Variants in TMEM132D observed in about 807,000 individuals in gnomAD.
The protein encoded by TMEM132D is mature OL transmembrane protein.
In TMEM132D, 21 loss-of-function variants were observed where a neutral mutation model predicts 62.3. That is an observed-to-expected ratio of 0.34 (90% CI 0.24 to 0.49). The LOEUF is 0.49. Among genes scored for constraint, TMEM132D ranks in the 20% least tolerant of loss-of-function variants. TMEM132D has a pLI of 0.99. For synonymous variants in TMEM132D, 621 were observed against 575.6 expected, an observed-to-expected ratio of 1.08 and a Z score of -1.13; for missense variants, 1,346 against 1,402.8, an observed-to-expected ratio of 0.96 and a Z score of 0.65.
chr12:129,326,805 C>T (rs1868928420), intron 4 of TMEM132D, among the ~76,000 whole-genome samples: 1 of 152,100 alleles, frequency 6.6e-6, no homozygotes. Flanking sequence ...CATAATCTAC[C>T]AATACACATA....
intron 1 of TMEM132D, among the ~76,000 whole-genome samples, chr12:129,717,093 T>C (rs984648542): frequency 1.3e-5 from 2 of 152,132 alleles, no homozygotes; most frequent in African/African-American, 4.8e-5. Flanking sequence ...CTGACCAGAA[T>C]GTAGACTGGC....
At chr12:129,834,201 TTCC>T (rs1872929837) in intron 1 of TMEM132D, among the ~76,000 whole-genome samples, 1 of 94,796 alleles carries the variant, frequency 1.1e-5, no homozygotes, top group African/African-American at 3.0e-5. Context: ...CTTCCCTCCT[TTCC>T]ACCAGGCACT....
At chr12:129,495,833 G>C (rs1354915187) in intron 3 of TMEM132D, among the ~76,000 whole-genome samples, 1 of 152,178 alleles carries the variant, frequency 6.6e-6, no homozygotes, top group Admixed American at 6.5e-5. Flanking sequence ...CTGGAGGGGA[G>C]GGCTGGGTTC....
intron 2 of TMEM132D, among the ~76,000 whole-genome samples, chr12:129,649,266 T>A (rs1193786330): frequency 6.6e-6 from 1 of 152,182 alleles, no homozygotes; most frequent in Admixed American, 6.5e-5. Flanking sequence ...TCATCAGGAA[T>A]TGAATTCCAT....
intron 8 of TMEM132D, among the ~76,000 whole-genome samples, chr12:129,077,617 A>G (rs1253280773): frequency 1.3e-5 from 2 of 152,074 alleles, no homozygotes; most frequent in Non-Finnish European, 2.9e-5. Flanking sequence ...AAGCATACAC[A>G]CAACAGAAAA....
intron 4 of TMEM132D, among the ~76,000 whole-genome samples, chr12:129,316,788 C>T (rs552371107): frequency 6.7e-6 from 1 of 148,826 alleles, no homozygotes; most frequent in East Asian, 1.9e-4. Context: ...TATCTCATTT[C>T]TTAGGTCTAT....
At position 129,388,508 on chromosome 12, in the gene TMEM132D, C is replaced by T. The variant is rs374705749; in HGVS notation, c.1116-50691G>A. 6.8e-3 allele frequency among the ~76,000 whole-genome samples: 639 copies of T among 94,612 alleles called. 2 individuals are homozygous for T. Among genetic ancestry groups the T allele is most frequent in the South Asian group, 0.022 (57 of 2,628 alleles). 62.1% of individuals were successfully genotyped at this position (94,612 alleles called of 152,430 possible). A position where few individuals can be genotyped will look rare whatever the true frequency, so the allele number is the denominator to read the frequency against. ...CTAATATAAACACTAATAGCAACACCAATACTAACACCAACACCAATCCAG... is the reference window on the plus strand; with the variant it reads ...CTAATATAAACACTAATAGCAACACTAATACTAACACCAACACCAATCCAG... On this transcript the variant is annotated intron_variant, in intron 3 of 8. Transcript: ENST00000422113.
chr12:129,513,878 C>T (rs1207346880), intron 3 of TMEM132D, among the ~76,000 whole-genome samples: 1 of 149,538 alleles, frequency 6.7e-6, no homozygotes, highest in Non-Finnish European at 1.5e-5. Flanking sequence ...CGCTCTGTCG[C>T]CCAGGCTGGA....
chr12:129,500,145 C>A (rs1479786048), intron 3 of TMEM132D, among the ~76,000 whole-genome samples: 1 of 141,364 alleles, frequency 7.1e-6, no homozygotes, highest in Non-Finnish European at 1.5e-5. Context: ...CAACACATAC[C>A]CTGAGTGGGG....
At chr12:129,200,274 C>T (rs1324755374) in intron 5 of TMEM132D, among the ~76,000 whole-genome samples, 2 of 152,140 alleles carry the variant, frequency 1.3e-5, no homozygotes, top group Non-Finnish European at 1.5e-5. Flanking sequence ...AAGAAAGTGT[C>T]TATTGGGAGG....
intron 2 of TMEM132D, among the ~76,000 whole-genome samples, chr12:129,535,647 C>T (rs1461037603): frequency 6.6e-6 from 1 of 152,106 alleles, no homozygotes; most frequent in African/African-American, 2.4e-5. Context: ...CACACTGGGG[C>T]TATTGAACTA....
At chr12:129,818,267 T>G (rs1872425612) in intron 1 of TMEM132D, among the ~76,000 whole-genome samples, 2 of 144,228 alleles carry the variant, frequency 1.4e-5, no homozygotes, top group Non-Finnish European at 3.0e-5. Flanking sequence ...GGTGTATGTG[T>G]GTATATGTGT....
intron 3 of TMEM132D, among the ~76,000 whole-genome samples, chr12:129,512,376 AC>A (rs1421244583): frequency 6.6e-6 from 1 of 152,178 alleles, no homozygotes; most frequent in Non-Finnish European, 1.5e-5. Flanking sequence ...CAAAAATGGG[AC>A]AGTTTGATGT....
chr12:129,516,166 G>T (rs1875668369), intron 3 of TMEM132D, among the ~76,000 whole-genome samples: 1 of 152,132 alleles, frequency 6.6e-6, no homozygotes, highest in African/African-American at 2.4e-5. Context: ...TGGTAGCAGG[G>T]CATGGACTTG....
At chr12:129,093,505 C>G (rs1372195299) in intron 5 of TMEM132D, among the ~76,000 whole-genome samples, 1 of 152,082 alleles carries the variant, frequency 6.6e-6, no homozygotes, top group Non-Finnish European at 1.5e-5. Flanking sequence ...TCAAGGAGAA[C>G]TACAAACCAC....
intron 4 of TMEM132D, among the ~76,000 whole-genome samples, chr12:129,249,625 A>G (rs73420161): frequency 0.057 from 8,652 of 152,274 alleles, 848 homozygotes; most frequent in African/African-American, 0.2. Context: ...GTAATAGCGC[A>G]GGTAGACAGT....
At chr12:129,163,651 T>C (rs972944459) in intron 5 of TMEM132D, among the ~76,000 whole-genome samples, 5 of 152,208 alleles carry the variant, frequency 3.3e-5, no homozygotes, top group African/African-American at 7.2e-5. Flanking sequence ...TATTGCTGTA[T>C]TGGGGCCCAG....
intron 2 of TMEM132D, among the ~76,000 whole-genome samples, chr12:129,668,644 C>T (rs1880433618): frequency 6.6e-6 from 1 of 152,152 alleles, no homozygotes; most frequent in Admixed American, 6.6e-5. Context: ...AAAATATACC[C>T]CTGTGAACAA....
At chr12:129,139,318 T>G (rs1876671442) in intron 5 of TMEM132D, among the ~76,000 whole-genome samples, 1 of 152,142 alleles carries the variant, frequency 6.6e-6, no homozygotes, top group South Asian at 2.1e-4. Flanking sequence ...TGCTGTCACA[T>G]GCAGTGGTGA....
Sources: gnomAD v4.1 joint callset for allele counts (sites outside exome capture counted in the v4.1 genomes callset) on GRCh38, gnomAD v4.1.1 for gene constraint, MANE v1.5 for transcripts, NCBI Gene and HGNC (gene_info 2026-07-23, HGNC 2026-07-21) for gene names.